Variants in COLEC12 observed in about 807,000 individuals in gnomAD.
COLEC12 encodes the protein collectin-12.
COLEC12 carries 33 observed loss-of-function variants against 71.1 expected under a neutral mutation model. The observed-to-expected ratio is 0.46, with a 90% confidence interval of 0.35 to 0.62. The LOEUF is 0.62. COLEC12 is among the 20% of genes least tolerant of loss of function. The pLI, the probability that COLEC12 is intolerant of heterozygous loss-of-function variation, is 0.00. For synonymous variants in COLEC12, 350 were observed against 353.0 expected (o/e 0.99, Z 0.10); for missense variants, 765 against 916.1 (o/e 0.84, Z 2.13).
At position 362,346 on chromosome 18, in the gene COLEC12, A is replaced by G. The variant is rs761477154; in HGVS notation, c.59-4824T>C. The stretch of plus-strand genomic sequence containing the variant: ...TTCCCCCTCCCCTGACTTCTTTTTA[A>G]TAAGAATTCTGTTTTATCTTCCTCT... On this transcript the variant is annotated intron_variant, in intron 2 of 9. Transcript: ENST00000400256. This position sits in a 1 kb window ranked among gnomAD's most constrained non-coding sequence, Gnocchi z 4.6. Among the ~76,000 whole-genome samples the G allele has an allele frequency of 5.3e-5, 8 of 152,030 alleles. No homozygotes were observed. Among genetic ancestry groups the G allele is most frequent in the Non-Finnish European group, 1.2e-4 (8 of 68,004 alleles).
At chr18:467,712 C>G (rs1389212554) in intron 2 of COLEC12, among the ~76,000 whole-genome samples, 1 of 152,132 alleles carries the variant, frequency 6.6e-6, no homozygotes, top group African/African-American at 2.4e-5. Context: ...GTCTAGAGAT[C>G]TGGAACAGAG....
intron 3 of COLEC12, among the ~76,000 whole-genome samples, chr18:355,165 A>G (rs1162278116): frequency 2.0e-5 from 3 of 152,140 alleles, no homozygotes; most frequent in Non-Finnish European, 4.4e-5. Context: ...GGTGGGAGAT[A>G]TAATAAATAA....
chr18:350,296 G>GC (rs1444583865), intron 3 of COLEC12, among the ~76,000 whole-genome samples: 1 of 152,010 alleles, frequency 6.6e-6, no homozygotes, highest in East Asian at 1.9e-4. Flanking sequence ...ACTTTCTCTT[G>GC]CTGCTGCCGT....
intron 2 of COLEC12, among the ~76,000 whole-genome samples, chr18:418,908 G>A (rs1193575808): frequency 6.6e-6 from 1 of 152,112 alleles, no homozygotes; most frequent in Non-Finnish European, 1.5e-5. Context: ...TTACACTGAG[G>A]ACTCGCCCTG....
chr18:453,629 T>C (rs901256561), intron 2 of COLEC12, among the ~76,000 whole-genome samples: 3 of 152,220 alleles, frequency 2.0e-5, no homozygotes, highest in African/African-American at 7.2e-5. Flanking sequence ...TATACTCTCT[T>C]CTTCTGTGGT....
rs561391113 is a variant in COLEC12, at chr18:322,748, C to T, written c.2064-941G>A. Among the ~76,000 whole-genome samples the T allele has an allele frequency of 6.6e-5, 10 of 152,192 alleles. No homozygotes were observed. The South Asian group carries it at 8.3e-4, about 13-fold the overall frequency. ...CTTCCTATAAACAATGACTCATTAC[C>T]GCACTGGCCACAGGGTGTCCTCGGG... is the stretch of plus-strand genomic sequence containing the variant. On this transcript the variant is annotated intron_variant, in intron 8 of 9. Transcript: ENST00000400256.
intron 5 of COLEC12, among the ~76,000 whole-genome samples, chr18:337,035 A>C (rs970844919): frequency 6.8e-6 from 1 of 146,162 alleles, no homozygotes; most frequent in Non-Finnish European, 1.5e-5. Context: ...TTTTTTTTTT[A>C]ATTTTTAATG....
chr18:477,462 C>T (rs1300362149), intron 2 of COLEC12, among the ~76,000 whole-genome samples: 8 of 148,706 alleles, frequency 5.4e-5, no homozygotes, highest in Non-Finnish European at 1.5e-5. Flanking sequence ...ATAAGTAAAC[C>T]CTCTATGTCA....
chr18:469,289 T>C (rs1275543079), intron 2 of COLEC12, among the ~76,000 whole-genome samples: 1 of 152,272 alleles, frequency 6.6e-6, no homozygotes, highest in African/African-American at 2.4e-5. Flanking sequence ...CGTAGTGCCC[T>C]CTATTGTGCC....
At chr18:375,799 A>C (rs1436078445) in intron 2 of COLEC12, among the ~76,000 whole-genome samples, 1 of 152,226 alleles carries the variant, frequency 6.6e-6, no homozygotes, top group Non-Finnish European at 1.5e-5. Flanking sequence ...TTGTCTCCCC[A>C]GAGGCTAGAA....
At chr18:331,572 G>A (rs1057292133) in intron 8 of COLEC12, 96 bp downstream of exon 8, 37 of 755,508 alleles carry the variant, frequency 4.9e-5, no homozygotes, top group Middle Eastern at 3.5e-4. Context: ...TCTAGGACAC[G>A]AGGTCATTAA....
intron 5 of COLEC12, among the ~76,000 whole-genome samples, chr18:343,895 A>G (rs1914314075): frequency 6.6e-6 from 1 of 152,206 alleles, no homozygotes; most frequent in African/African-American, 2.4e-5. Flanking sequence ...CAGTACATTC[A>G]CTTTCAATAC....
intron 2 of COLEC12, among the ~76,000 whole-genome samples, chr18:455,163 G>A (rs1158233386): frequency 6.6e-6 from 1 of 152,178 alleles, no homozygotes; most frequent in Non-Finnish European, 1.5e-5. Flanking sequence ...GCCGCATTGT[G>A]GCTAAGCGGA....
chr18:340,963 T>C (rs17451399), intron 5 of COLEC12, among the ~76,000 whole-genome samples: 16,296 of 152,242 alleles, frequency 0.11, 1,059 homozygotes, highest in South Asian at 0.17. Flanking sequence ...AGCCTGTTAA[T>C]GGATGCTCTC....
At chr18:458,225 G>A (rs1031028387) in intron 2 of COLEC12, among the ~76,000 whole-genome samples, 5 of 152,170 alleles carry the variant, frequency 3.3e-5, no homozygotes, top group East Asian at 1.9e-4. Flanking sequence ...ATCAGGGACC[G>A]GAAACTCTAG....
At chr18:375,749 G>A (rs1335451240) in intron 2 of COLEC12, among the ~76,000 whole-genome samples, 1 of 152,184 alleles carries the variant, frequency 6.6e-6, no homozygotes, top group African/African-American at 2.4e-5. Flanking sequence ...AAGAATGTGA[G>A]TTCCATGCAG....
intron 2 of COLEC12, among the ~76,000 whole-genome samples, chr18:446,631 C>CAT (rs1916659882): frequency 6.6e-6 from 1 of 151,242 alleles, no homozygotes; most frequent in Admixed American, 6.6e-5. Flanking sequence ...ATTGCTCGAG[C>CAT]CCAGGAGGTT....
intron 2 of COLEC12, among the ~76,000 whole-genome samples, chr18:394,932 A>G (rs1164234709): frequency 6.6e-6 from 1 of 152,186 alleles, no homozygotes; most frequent in African/African-American, 2.4e-5. Flanking sequence ...ACAAAACAAA[A>G]CAAAACAAAA....
chr18:325,660 A>C (rs1219296616), intron 8 of COLEC12, among the ~76,000 whole-genome samples: 2 of 40,588 alleles, frequency 4.9e-5, no homozygotes, highest in Admixed American at 3.8e-4. Context: ...TTTTTTTGAG[A>C]CAGAGTCTTG....
Sources: gnomAD v4.1 joint callset for allele counts (sites outside exome capture counted in the v4.1 genomes callset) on GRCh38, gnomAD v4.1.1 for gene constraint, Gnocchi (gnomAD v3.1) non-coding constraint, MANE v1.5 for transcripts, NCBI Gene and HGNC (gene_info 2026-07-23, HGNC 2026-07-21) for gene names.